Variants in BLTP1 observed in about 807,000 individuals in gnomAD.
BLTP1 encodes the protein bridge-like lipid transfer protein family member 1.
chr4:122,247,671 C>T, the BLTP1 span: 3 of 1,101,862 alleles, frequency 2.7e-6, no homozygotes, highest in African/African-American at 4.9e-5. Context: ...ACAGAGAAGA[C>T]ATGATCTTTA....
At chr4:122,293,756 TCA>T in the BLTP1 span, among the ~76,000 whole-genome samples, 1 of 152,108 alleles carries the variant, frequency 6.6e-6, no homozygotes, top group South Asian at 2.1e-4. Context: ...CCAGGGCAAC[TCA>T]CAAGTTAAGA....
the BLTP1 span, among the ~76,000 whole-genome samples, chr4:122,282,817 A>G: frequency 6.6e-6 from 1 of 152,146 alleles, no homozygotes; most frequent in East Asian, 1.9e-4. Flanking sequence ...TTTTTTAACT[A>G]GGAATTTTTT....
chr4:122,161,624 G>A, the BLTP1 span, among the ~76,000 whole-genome samples: 38 of 151,716 alleles, frequency 2.5e-4, no homozygotes, highest in African/African-American at 8.0e-4. Context: ...TAGAGACGGC[G>A]TTTCCTCATG....
the BLTP1 span, chr4:122,264,232 T>C: frequency 8.4e-6 from 13 of 1,549,962 alleles, no homozygotes; most frequent in African/African-American, 1.8e-4. Context: ...CATTTTATTC[T>C]TAAAAATTTA....
At chr4:122,246,280 T>G in the BLTP1 span, 1 of 1,586,890 alleles carries the variant, frequency 6.3e-7, no homozygotes, top group Non-Finnish European at 8.5e-7. Context: ...GTCTTCAGAC[T>G]AATGTTAGCA....
the BLTP1 span, chr4:122,347,184 T>C: frequency 3.0e-6 from 3 of 984,492 alleles, no homozygotes; most frequent in Admixed American, 1.8e-4. Context: ...ATTTGTCTGC[T>C]GGATTTAGAT....
chr4:122,338,460 G>C, the BLTP1 span, among the ~76,000 whole-genome samples: 1 of 152,058 alleles, frequency 6.6e-6, no homozygotes, highest in East Asian at 1.9e-4. Flanking sequence ...GGACAACAGA[G>C]TGGTCTCTAA....
the BLTP1 span, among the ~76,000 whole-genome samples, chr4:122,323,563 T>C: frequency 1.1e-4 from 16 of 151,926 alleles, no homozygotes; most frequent in Admixed American, 1.3e-4. Flanking sequence ...TTCCAGGAGC[T>C]ATTGGCTTGA....
At chr4:122,238,920 T>C in the BLTP1 span, among the ~76,000 whole-genome samples, 1 of 152,218 alleles carries the variant, frequency 6.6e-6, no homozygotes, top group Non-Finnish European at 1.5e-5. Flanking sequence ...TGGTTTCAAT[T>C]ATGTTCTCTA....
At chr4:122,204,766 T>C in the BLTP1 span, 1 of 553,336 alleles carries the variant, frequency 1.8e-6, no homozygotes. Context: ...TGTTAGACGC[T>C]GTGCTAAAGA....
chr4:122,328,030 GTTTAAA>G, the BLTP1 span: 1 of 1,157,046 alleles, frequency 8.6e-7, no homozygotes, highest in Non-Finnish European at 1.2e-6. Flanking sequence ...ATTTTTAAAT[GTTTAAA>G]TTTATATATT....
chr4:122,333,659 T>C, the BLTP1 span: 1 of 1,609,172 alleles, frequency 6.2e-7, no homozygotes, highest in Non-Finnish European at 8.5e-7. Flanking sequence ...GGAGCTTAGA[T>C]CAAGATTCAC....
chr4:122,224,699 C>A, the BLTP1 span: 1 of 1,613,922 alleles, frequency 6.2e-7, no homozygotes. Context: ...AGAGTACTAT[C>A]TCCTGACTTA....
chr4:122,249,413 T>C, the BLTP1 span: 1 of 1,568,942 alleles, frequency 6.4e-7, no homozygotes, highest in Non-Finnish European at 8.6e-7. Context: ...GTGCCATATG[T>C]CCAAATGTTT....
At chr4:122,341,242 T>G in the BLTP1 span, among the ~76,000 whole-genome samples, 7 of 152,162 alleles carry the variant, frequency 4.6e-5, no homozygotes, top group African/African-American at 1.7e-4. Flanking sequence ...TACATTTGCT[T>G]TCTGGTAAGA....
chr4:122,230,878 A>AT, the BLTP1 span, among the ~76,000 whole-genome samples: 3 of 152,154 alleles, frequency 2.0e-5, no homozygotes, highest in East Asian at 5.8e-4. Context: ...TATCTCCAGG[A>AT]TTTTGCTGTA....
At chr4:122,170,669 A>G in the BLTP1 span, 1 of 1,579,130 alleles carries the variant, frequency 6.3e-7, no homozygotes, top group Non-Finnish European at 8.6e-7. Context: ...GAAGAATGAG[A>G]GTATTGTTCC....
At chr4:122,241,029 A>G in the BLTP1 span, among the ~76,000 whole-genome samples, 56 of 152,202 alleles carry the variant, frequency 3.7e-4, no homozygotes, top group Non-Finnish European at 5.9e-4. Flanking sequence ...GAAAATGACA[A>G]TTAATAGATC....
chr4:122,161,783 A>G, the BLTP1 span, among the ~76,000 whole-genome samples: 1 of 152,196 alleles, frequency 6.6e-6, no homozygotes, highest in Non-Finnish European at 1.5e-5. Context: ...TTGGCCCTGA[A>G]TACATTAGAA....
Sources: gnomAD v4.1 joint callset for allele counts (sites outside exome capture counted in the v4.1 genomes callset) on GRCh38, gnomAD v4.1.1 for gene constraint, MANE v1.5 for transcripts, NCBI Gene and HGNC (gene_info 2026-07-23, HGNC 2026-07-21) for gene names.